Variants in CUL3 observed in about 807,000 individuals in gnomAD.
CUL3 encodes the protein cullin-3.
CUL3 carries 19 observed loss-of-function variants against 89.1 expected under a neutral mutation model. The ratio of observed to expected loss-of-function variants is 0.21; its 90% CI spans 0.15 to 0.31. CUL3 has a LOEUF of 0.31. CUL3 is among the 10% of genes least tolerant of loss of function. The pLI is 1.00. For synonymous variants in CUL3, 351 were observed against 308.4 expected (o/e 1.14, Z -1.45); for missense variants, 469 against 942.3 (o/e 0.50, Z 6.58).
At chr2:224,541,351 G>GT (rs1283264679) in intron 2 of CUL3, among the ~76,000 whole-genome samples, 1 of 152,158 alleles carries the variant, frequency 6.6e-6, no homozygotes, top group East Asian at 1.9e-4. Context: ...GTTCAACAAT[G>GT]TAAGTCATTA....
intron 12 of CUL3, 103 bp from the exon 13 acceptor site, chr2:224,496,069 C>A (rs2106180888): frequency 1.5e-6 from 2 of 1,303,988 alleles, no homozygotes; most frequent in Admixed American, 2.0e-5. Context: ...CTCACTTTGT[C>A]ATCCAGGCTA....
chr2:224,541,664 A>G lies in CUL3; in HGVS notation c.265-6023T>C, dbSNP rs369735302. 2.2e-3 allele frequency among the ~76,000 whole-genome samples: 329 copies of G among 152,340 alleles called. 4 individuals carry two copies. The highest frequency in any genetic ancestry group is 7.1e-3 in the African/African-American group (296 of 41,576). ...AACCACAAAATGTCTTTCAACAAGT[A>G]TACAGGTAAATGAATAAGCAAACTG... On this transcript the variant is annotated intron_variant, in intron 2 of 15. Coordinates refer to ENST00000264414, the MANE Select transcript of CUL3 (RefSeq NM_003590.5).
chr2:224,524,298 C>A (rs1693383622), intron 3 of CUL3, among the ~76,000 whole-genome samples: 1 of 151,986 alleles, frequency 6.6e-6, no homozygotes. Flanking sequence ...GGTTACCAAG[C>A]AGCTAGGACT....
chr2:224,579,913 C>T (rs1695395097), intron 1 of CUL3, among the ~76,000 whole-genome samples: 1 of 152,186 alleles, frequency 6.6e-6, no homozygotes. Context: ...TCAAGCTCAT[C>T]AAACCCATGT....
At chr2:224,577,857 G>A (rs1427446097) in intron 1 of CUL3, among the ~76,000 whole-genome samples, 2 of 152,066 alleles carry the variant, frequency 1.3e-5, no homozygotes, top group Non-Finnish European at 2.9e-5. Context: ...GAAGTTAAAC[G>A]GATACAACCT....
chr2:224,514,869 C>A, intron 3 of CUL3, 97 bp from the exon 4 acceptor site: 1 of 905,460 alleles, frequency 1.1e-6, no homozygotes, highest in Non-Finnish European at 1.6e-6. Context: ...ATTCCAAAAG[C>A]AATCATTTTT....
chr2:224,543,046 A>G (rs1574676590), intron 2 of CUL3, among the ~76,000 whole-genome samples: 1 of 152,212 alleles, frequency 6.6e-6, no homozygotes, highest in East Asian at 1.9e-4. Flanking sequence ...ATTTTTTCAC[A>G]CTCTACATTT....
At chr2:224,563,713 T>C (rs1054772526) in intron 1 of CUL3, among the ~76,000 whole-genome samples, 1 of 152,192 alleles carries the variant, frequency 6.6e-6, no homozygotes, top group Non-Finnish European at 1.5e-5. Flanking sequence ...CTGAATTACA[T>C]CTTTGTCCAG....
rs950809352 is a variant in CUL3, at chr2:224,585,326, G to C, written c.-317C>G. On this transcript the variant is annotated 5_prime_UTR_variant, in exon 1 of 16. Transcript: ENST00000264414. ...CCGCGATGGCGGCGGCGGCGGCGAC[G>C]GACAAACATCTCACTGCGCAGGCCG... The C allele has an allele frequency of 2.5e-6, 1 of 402,324 alleles. No homozygotes were observed. The highest frequency in any genetic ancestry group is 4.4e-6 in the Non-Finnish European group (1 of 229,512). The allele number at this position is 402,324 out of a possible 1,614,324, so 24.9% of individuals were successfully genotyped here.
At chr2:224,519,469 T>C (rs1040792308) in intron 3 of CUL3, among the ~76,000 whole-genome samples, 8 of 152,180 alleles carry the variant, frequency 5.3e-5, no homozygotes, top group African/African-American at 1.9e-4. Flanking sequence ...AGCTAAGCCT[T>C]TGTCTTTCAA....
intron 12 of CUL3, among the ~76,000 whole-genome samples, chr2:224,496,580 T>C (rs1692178219): frequency 6.6e-6 from 1 of 152,122 alleles, no homozygotes; most frequent in Non-Finnish European, 1.5e-5. Flanking sequence ...TATGGGATGA[T>C]AATAATAATA....
chr2:224,584,192 AGCTACTCC>A (rs1695511548), intron 1 of CUL3, among the ~76,000 whole-genome samples: 1 of 152,148 alleles, frequency 6.6e-6, no homozygotes, highest in African/African-American at 2.4e-5. Flanking sequence ...GATGAAACAA[AGCTACTCC>A]GCAAGGCGAC....
At chr2:224,529,506 G>A (rs1244120276) in intron 3 of CUL3, among the ~76,000 whole-genome samples, 1 of 151,154 alleles carries the variant, frequency 6.6e-6, no homozygotes, top group Non-Finnish European at 1.5e-5. Flanking sequence ...GTGGGTGCCT[G>A]TAGTCCCAGC....
intron 15 of CUL3, among the ~76,000 whole-genome samples, chr2:224,475,105 C>G (rs1369644608): frequency 6.6e-6 from 1 of 152,154 alleles, no homozygotes; most frequent in Non-Finnish European, 1.5e-5. Flanking sequence ...GCAAGCTCCG[C>G]CTCCCAGGTT....
intron 3 of CUL3, among the ~76,000 whole-genome samples, chr2:224,525,225 A>C (rs1457228348): frequency 6.6e-6 from 1 of 152,228 alleles, no homozygotes; most frequent in Non-Finnish European, 1.5e-5. Context: ...TTTTGCACTG[A>C]GGTGATTGAT....
intron 15 of CUL3, among the ~76,000 whole-genome samples, chr2:224,475,521 T>C (rs1691287751): frequency 6.6e-6 from 1 of 152,218 alleles, no homozygotes; most frequent in Admixed American, 6.5e-5. Flanking sequence ...GATCAGTTCA[T>C]TTCCCAAAGC....
chr2:224,558,499 C>T (rs901051338), intron 1 of CUL3, among the ~76,000 whole-genome samples: 2 of 152,070 alleles, frequency 1.3e-5, no homozygotes, highest in African/African-American at 4.8e-5. Context: ...ACACACCAAC[C>T]GACCTGATTT....
intron 2 of CUL3, among the ~76,000 whole-genome samples, chr2:224,552,000 C>T (rs1694531955): frequency 6.6e-6 from 1 of 152,084 alleles, no homozygotes; most frequent in East Asian, 1.9e-4. Flanking sequence ...TAACTAAATA[C>T]TTGTTTACCT....
chr2:224,492,408 T>C (rs1375606144), intron 13 of CUL3, among the ~76,000 whole-genome samples: 2 of 152,190 alleles, frequency 1.3e-5, no homozygotes, highest in Non-Finnish European at 2.9e-5. Context: ...AGTTTTCTAT[T>C]TAAATTCTGA....
Sources: allele counts gnomAD v4.1 joint callset (sites outside exome capture counted in the v4.1 genomes callset), GRCh38; gene constraint gnomAD v4.1.1; transcripts MANE v1.5; gene names NCBI Gene and HGNC (gene_info 2026-07-23, HGNC 2026-07-21).